Variants in ESR1 observed in about 807,000 individuals in gnomAD.
ESR1 encodes estrogen receptor.
Under a neutral mutation model 52.7 loss-of-function variants are expected in ESR1, and 12 were observed. That is an observed-to-expected ratio of 0.23 (90% CI 0.15 to 0.37). The LOEUF (loss-of-function observed/expected upper bound fraction) is 0.37. ESR1 is among the 10% of genes least tolerant of loss of function. The probability of loss-of-function intolerance (pLI) is 1.00; values close to 1 mark genes in which losing one functional copy is unlikely to be tolerated. For synonymous variants in ESR1, 305 were observed against 316.8 expected (o/e 0.96, Z 0.39); for missense variants, 584 against 779.7 (o/e 0.75, Z 2.99).
At chr6:151,670,164 T>C (rs781473468) in intron 1 of ESR1, among the ~76,000 whole-genome samples, 50 of 152,232 alleles carry the variant, frequency 3.3e-4, no homozygotes, top group Non-Finnish European at 5.4e-4. Flanking sequence ...GCTGCCAAGA[T>C]GGTCGTGGCC....
At chr6:152,019,927 G>A (rs58691180) in intron 5 of ESR1, among the ~76,000 whole-genome samples, 8,360 of 152,168 alleles carry the variant, frequency 0.055, 714 homozygotes, top group African/African-American at 0.18. Context: ...TCCATAGGGC[G>A]CTGTATGATA....
At position 151,807,696 on chromosome 6, in the gene ESR1, G is replaced by A. The variant is rs1013849395; in HGVS notation, c.-217G>A. ...GGGAGCCCAGGAGCTGGCGGAGGGC[G>A]TTCGTCCTGGGACTGCACTTGCTCC... On this transcript the variant is annotated 5_prime_UTR_variant, in exon 1 of 8. Transcript: ENST00000206249. The A allele has an allele frequency of 1.6e-6, 1 of 612,996 alleles. No individual in the cohort carries two copies. Among genetic ancestry groups the A allele is most frequent in the Non-Finnish European group, 2.9e-6 (1 of 344,040 alleles). 38.0% of individuals were successfully genotyped at this position (612,996 alleles called of 1,614,324 possible). A position where few individuals can be genotyped will look rare whatever the true frequency, so the allele number is the denominator to read the frequency against.
intron 5 of ESR1, among the ~76,000 whole-genome samples, chr6:152,058,967 T>A (rs1168095734): frequency 6.6e-6 from 1 of 151,998 alleles, no homozygotes; most frequent in Non-Finnish European, 1.5e-5. Context: ...CTAAGAAGTA[T>A]ATGAATATAT....
chr6:152,026,259 C>A (rs185356519), intron 5 of ESR1, among the ~76,000 whole-genome samples: 4 of 152,100 alleles, frequency 2.6e-5, no homozygotes, highest in Admixed American at 2.6e-4. Context: ...AACTAATGAT[C>A]CATTATCTGC....
intron 3 of ESR1, among the ~76,000 whole-genome samples, chr6:151,940,230 C>T (rs1263734964): frequency 6.6e-6 from 1 of 152,120 alleles, no homozygotes; most frequent in South Asian, 2.1e-4. Context: ...ATGAGAACAG[C>T]ACAGGAAAAA....
chr6:151,955,266 A>G (rs2036776245), intron 4 of ESR1, among the ~76,000 whole-genome samples: 1 of 152,228 alleles, frequency 6.6e-6, no homozygotes, highest in Non-Finnish European at 1.5e-5. Flanking sequence ...AACATACCAT[A>G]GAAGCAATAT....
At chr6:151,659,792 A>G (rs1777577510) in intron 1 of ESR1, among the ~76,000 whole-genome samples, 2 of 152,264 alleles carry the variant, frequency 1.3e-5, no homozygotes, top group African/African-American at 2.4e-5. Flanking sequence ...TATGTGATGT[A>G]CACATTCATT....
At chr6:151,740,546 T>A (rs766994946) in intron 2 of ESR1, among the ~76,000 whole-genome samples, 11 of 152,030 alleles carry the variant, frequency 7.2e-5, no homozygotes, top group Non-Finnish European at 1.6e-4. Context: ...TACCTCAGCA[T>A]TTTTTCCTCT....
upstream of ESR1, among the ~76,000 whole-genome samples, chr6:151,801,887 G>A (rs1023019495): frequency 3.9e-5 from 6 of 152,202 alleles, no homozygotes; most frequent in Non-Finnish European, 7.3e-5. Context: ...GGTAGGAAAT[G>A]CGGTACATGC....
chr6:151,684,148 G>A (rs1406303511), intron 1 of ESR1, among the ~76,000 whole-genome samples: 3 of 152,116 alleles, frequency 2.0e-5, no homozygotes, highest in African/African-American at 4.8e-5. Context: ...GGCATGTGGA[G>A]AGATTCAGAG....
intron 2 of ESR1, among the ~76,000 whole-genome samples, chr6:151,772,141 C>T (rs899186896): frequency 1.3e-5 from 2 of 152,136 alleles, no homozygotes; most frequent in East Asian, 1.9e-4. Context: ...GCAGTACACA[C>T]CCGTAGTTGC....
intron 3 of ESR1, among the ~76,000 whole-genome samples, chr6:151,926,090 AGAT>A (rs2032689281): frequency 6.6e-6 from 1 of 152,148 alleles, no homozygotes; most frequent in Non-Finnish European, 1.5e-5. Context: ...TTTTCTGAAA[AGAT>A]GACCTTTTTC....
intron 6 of ESR1, among the ~76,000 whole-genome samples, chr6:152,070,424 A>T (rs2128984635): frequency 7.2e-6 from 1 of 138,076 alleles, no homozygotes; most frequent in East Asian, 2.3e-4. Context: ...TGAGCCCAAA[A>T]GTAGAATAAT....
chr6:151,744,381 C>T (rs530993718), intron 2 of ESR1, among the ~76,000 whole-genome samples: 46 of 152,292 alleles, frequency 3.0e-4, no homozygotes, highest in Non-Finnish European at 5.1e-4. Context: ...TCCTCACCGA[C>T]ATTTGTTATT....
intron 6 of ESR1, among the ~76,000 whole-genome samples, chr6:152,072,051 A>G (rs959984502): frequency 6.6e-6 from 1 of 151,222 alleles, no homozygotes; most frequent in African/African-American, 2.5e-5. Flanking sequence ...GCCATGAGAC[A>G]GAGGAGAGTT....
chr6:151,878,184 C>CTGAAGAA (rs1359723512), intron 2 of ESR1, among the ~76,000 whole-genome samples: 3 of 152,172 alleles, frequency 2.0e-5, no homozygotes, highest in African/African-American at 7.2e-5. Flanking sequence ...GGAGACTAAA[C>CTGAAGAA]ACTGAAAGTT....
chr6:151,852,078 G>T (rs991431809), intron 2 of ESR1, among the ~76,000 whole-genome samples: 5 of 152,168 alleles, frequency 3.3e-5, no homozygotes, highest in Non-Finnish European at 7.3e-5. Flanking sequence ...AGTTAAAGAG[G>T]TTCAGACATA....
intron 2 of ESR1, among the ~76,000 whole-genome samples, chr6:151,742,403 C>T (rs548915071): frequency 1.2e-3 from 190 of 152,302 alleles, no homozygotes; most frequent in Non-Finnish European, 2.3e-3. Flanking sequence ...TTTCTCCACA[C>T]GCTCACCAAC....
intron 6 of ESR1, among the ~76,000 whole-genome samples, chr6:152,076,886 G>C (rs1464347559): frequency 6.6e-6 from 1 of 152,146 alleles, no homozygotes; most frequent in African/African-American, 2.4e-5. Flanking sequence ...TTTTAAAAGA[G>C]AAACAGCATA....
Sources: gnomAD v4.1 joint callset for allele counts (sites outside exome capture counted in the v4.1 genomes callset) on GRCh38, gnomAD v4.1.1 for gene constraint, MANE v1.5 for transcripts, NCBI Gene and HGNC (gene_info 2026-07-23, HGNC 2026-07-21) for gene names.